The following INSL6 variants were observed in gnomAD, a reference collection of about 807,000 sequenced individuals.
INSL6 encodes insulin like 6.
A neutral mutation model predicts 9.4 loss-of-function variants in INSL6; 16 were observed. That is an observed-to-expected ratio of 1.70 (90% CI 1.15 to 2.59). The LOEUF (loss-of-function observed/expected upper bound fraction) is 2.59. Among genes scored for constraint, INSL6 ranks in the 30% most tolerant of loss-of-function variants. The pLI is 0.00. For missense variants in INSL6, 391 were observed against 257.3 expected, an observed-to-expected ratio of 1.52 and a Z score of -3.56; for synonymous variants, 154 against 96.9, an observed-to-expected ratio of 1.59 and a Z score of -3.46.
At chr9:5,115,133 C>A in the INSL6 span, among the ~76,000 whole-genome samples, 1 of 152,076 alleles carries the variant, frequency 6.6e-6, no homozygotes, top group Non-Finnish European at 1.5e-5. Flanking sequence ...AGGCTACCTA[C>A]AGAATGGGAA....
At chr9:5,004,918 CT>C in the INSL6 span, among the ~76,000 whole-genome samples, 199 of 131,312 alleles carry the variant, frequency 1.5e-3, no homozygotes, top group Admixed American at 2.9e-3. Context: ...TACATATTGT[CT>C]TTTTTTTTTT....
At chr9:5,070,070 C>T in the INSL6 span, 1 of 1,566,660 alleles carries the variant, frequency 6.4e-7, no homozygotes, top group Admixed American at 1.8e-5. Flanking sequence ...ATTAGATACT[C>T]ATTACTGTCT....
the INSL6 span, among the ~76,000 whole-genome samples, chr9:5,026,272 A>G: frequency 6.6e-6 from 1 of 152,174 alleles, no homozygotes; most frequent in Non-Finnish European, 1.5e-5. Context: ...GGTAATCATT[A>G]TTCATTATAA....
chr9:5,121,011 T>TA (rs1309669849), downstream of INSL6, among the ~76,000 whole-genome samples: 2 of 152,060 alleles, frequency 1.3e-5, no homozygotes, highest in Non-Finnish European at 1.5e-5. Flanking sequence ...CTTTAGTATA[T>TA]AGGTGGATGA....
At chr9:5,109,225 A>G in the INSL6 span, 1 of 152,194 alleles carries the variant, frequency 6.6e-6, no homozygotes, top group Non-Finnish European at 1.5e-5. Flanking sequence ...AAATACATTA[A>G]TATTTATACA....
At chr9:5,184,237 A>T (rs917133190) in intron 1 of INSL6, among the ~76,000 whole-genome samples, 6 of 152,134 alleles carry the variant, frequency 3.9e-5, no homozygotes, top group South Asian at 4.2e-4. Context: ...TTTTGGCATG[A>T]TAGTTTACTC....
the INSL6 span, chr9:5,089,581 C>G: frequency 1.7e-5 from 6 of 351,868 alleles, no homozygotes; most frequent in Non-Finnish European, 2.0e-5. Context: ...TCTGCTAATT[C>G]CAGCTACTAG....
the INSL6 span, among the ~76,000 whole-genome samples, chr9:5,118,255 T>C: frequency 6.6e-6 from 1 of 152,340 alleles, no homozygotes; most frequent in South Asian, 2.1e-4. Flanking sequence ...GTACAAACTT[T>C]GTATCATTCC....
intron 2 of INSL6, among the ~76,000 whole-genome samples, chr9:5,139,334 C>T (rs954919512): frequency 1.3e-5 from 2 of 152,022 alleles, no homozygotes; most frequent in Non-Finnish European, 2.9e-5. Context: ...ATCCATCAAA[C>T]AAATTAATTG....
At chr9:5,063,751 C>T in the INSL6 span, among the ~76,000 whole-genome samples, 4 of 152,038 alleles carry the variant, frequency 2.6e-5, no homozygotes, top group Non-Finnish European at 2.9e-5. Context: ...ACAAATGGGG[C>T]TTTTTTCATT....
chr9:5,130,937 G>C (rs1403221284), intron 3 of INSL6, among the ~76,000 whole-genome samples: 1 of 151,186 alleles, frequency 6.6e-6, no homozygotes, highest in Non-Finnish European at 1.5e-5. Context: ...CACTGTGTTA[G>C]CCAGGATGGT....
the INSL6 span, chr9:5,107,798 C>G: frequency 6.6e-6 from 1 of 152,082 alleles, no homozygotes. Flanking sequence ...ACATTTTACT[C>G]TAGCATCTAT....
At chr9:5,140,936 C>T (rs1824483679) in intron 2 of INSL6, among the ~76,000 whole-genome samples, 1 of 152,042 alleles carries the variant, frequency 6.6e-6, no homozygotes, top group Non-Finnish European at 1.5e-5. Flanking sequence ...CATTTAGCTC[C>T]CACTTATAAC....
the INSL6 span, among the ~76,000 whole-genome samples, chr9:5,001,558 C>T: frequency 6.6e-6 from 1 of 151,856 alleles, no homozygotes; most frequent in Non-Finnish European, 1.5e-5. Flanking sequence ...GGTGTTCTGA[C>T]CTTTTTATAT....
the INSL6 span, chr9:5,101,156 G>A: frequency 1.3e-5 from 2 of 152,280 alleles, no homozygotes; most frequent in Non-Finnish European, 2.9e-5. Flanking sequence ...ACTGTACCTG[G>A]AAAATCAGGA....
At chr9:5,032,542 A>G in the INSL6 span, among the ~76,000 whole-genome samples, 1 of 152,200 alleles carries the variant, frequency 6.6e-6, no homozygotes, top group African/African-American at 2.4e-5. Context: ...CTCCTCTGAG[A>G]CAAAACTTCC....
intron 2 of INSL6, among the ~76,000 whole-genome samples, chr9:5,158,002 GA>G (rs1340385449): frequency 6.6e-6 from 1 of 152,048 alleles, no homozygotes; most frequent in Admixed American, 6.5e-5. Flanking sequence ...CAAAGAAATT[GA>G]AATAAAAAGA....
At chr9:5,129,003 G>T (rs780557016) in intron 3 of INSL6, among the ~76,000 whole-genome samples, 4 of 151,790 alleles carry the variant, frequency 2.6e-5, no homozygotes, top group Non-Finnish European at 4.4e-5. Context: ...ACTTTTTCAC[G>T]CTATTTATAT....
the INSL6 span, among the ~76,000 whole-genome samples, chr9:5,088,648 A>T: frequency 1.3e-5 from 2 of 152,218 alleles, no homozygotes; most frequent in Non-Finnish European, 2.9e-5. Context: ...TAAACATCAG[A>T]CATTTATTTC....
Sources: gnomAD v4.1 joint callset for allele counts (sites outside exome capture counted in the v4.1 genomes callset) on GRCh38, gnomAD v4.1.1 for gene constraint, MANE v1.5 for transcripts, NCBI Gene and HGNC (gene_info 2026-07-23, HGNC 2026-07-21) for gene names.